PDGFD: variants seen among roughly 807,000 people sequenced by gnomAD.
The protein encoded by PDGFD is platelet derived growth factor D.
PDGFD carries 30 observed loss-of-function variants against 44.7 expected under a neutral mutation model. The ratio of observed to expected loss-of-function variants is 0.67; its 90% CI spans 0.50 to 0.91. The LOEUF (loss-of-function observed/expected upper bound fraction) is 0.91, where lower values mean the gene tolerates loss of function less well. Among genes scored for constraint, PDGFD ranks in the 40% least tolerant of loss-of-function variants. The probability of loss-of-function intolerance (pLI) is 0.00; values close to 1 mark genes in which losing one functional copy is unlikely to be tolerated. For synonymous variants in PDGFD, 173 were observed against 168.4 expected, an observed-to-expected ratio of 1.03 and a Z score of -0.21; for missense variants, 445 against 457.8, an observed-to-expected ratio of 0.97 and a Z score of 0.25.
intron 1 of PDGFD, among the ~76,000 whole-genome samples, chr11:104,134,403 T>C (rs1861970328): frequency 6.6e-6 from 1 of 152,054 alleles, no homozygotes; most frequent in Non-Finnish European, 1.5e-5. Context: ...GATTAGAAAA[T>C]TGATCACATA....
chr11:103,972,780 G>A (rs1156732583), intron 3 of PDGFD, among the ~76,000 whole-genome samples: 1 of 152,164 alleles, frequency 6.6e-6, no homozygotes, highest in Admixed American at 6.5e-5. Flanking sequence ...GCACAAACGT[G>A]AGTAGAACTC....
At chr11:104,050,348 T>C (rs1002281865) in intron 1 of PDGFD, among the ~76,000 whole-genome samples, 4 of 151,912 alleles carry the variant, frequency 2.6e-5, no homozygotes, top group African/African-American at 7.3e-5. Context: ...TAGGGAGTGA[T>C]AGAGGATTGA....
intron 1 of PDGFD, among the ~76,000 whole-genome samples, chr11:104,110,639 C>T (rs361288): frequency 0.45 from 68,777 of 151,800 alleles, 16,541 homozygotes; most frequent in African/African-American, 0.62. Context: ...GTGGTTTGTA[C>T]GGGCATAGGA....
intron 1 of PDGFD, among the ~76,000 whole-genome samples, chr11:104,069,438 G>T (rs1337037612): frequency 6.6e-6 from 1 of 152,098 alleles, no homozygotes; most frequent in Non-Finnish European, 1.5e-5. Context: ...TTTGACCTTT[G>T]GTAATTCATA....
chr11:104,145,460 T>C (rs1393186634), intron 1 of PDGFD, among the ~76,000 whole-genome samples: 1 of 152,232 alleles, frequency 6.6e-6, no homozygotes, highest in Admixed American at 6.5e-5. Flanking sequence ...TATGCATTTC[T>C]ATAGCCAATT....
chr11:104,067,308 C>T (rs544165242), intron 1 of PDGFD, among the ~76,000 whole-genome samples: 41 of 152,208 alleles, frequency 2.7e-4, no homozygotes, highest in African/African-American at 9.1e-4. Flanking sequence ...TCTTTTCAAA[C>T]AGTAGATAAC....
intron 3 of PDGFD, among the ~76,000 whole-genome samples, chr11:103,970,276 C>A (rs1859084487): frequency 6.6e-6 from 1 of 151,996 alleles, no homozygotes; most frequent in Non-Finnish European, 1.5e-5. Flanking sequence ...ATATCACATA[C>A]AATAGGGAGT....
intron 1 of PDGFD, among the ~76,000 whole-genome samples, chr11:104,160,105 C>T (rs1297012065): frequency 6.6e-6 from 1 of 152,126 alleles, no homozygotes; most frequent in Non-Finnish European, 1.5e-5. Context: ...GATCTTTGTA[C>T]TTAAGTCAGT....
chr11:103,943,355 G>C, intron 5 of PDGFD, 97 bp downstream of exon 5: 1 of 1,211,834 alleles, frequency 8.3e-7, no homozygotes, highest in Non-Finnish European at 1.1e-6. Context: ...AAATCCAAAA[G>C]ACTTCTGGTT....
At chr11:103,986,915 C>G (rs1275927802) in intron 3 of PDGFD, among the ~76,000 whole-genome samples, 1 of 152,172 alleles carries the variant, frequency 6.6e-6, no homozygotes, top group Non-Finnish European at 1.5e-5. Context: ...AGAACCTGCA[C>G]TGGATGGATC....
intron 3 of PDGFD, among the ~76,000 whole-genome samples, chr11:103,985,886 T>A (rs1859355633): frequency 6.6e-6 from 1 of 152,042 alleles, no homozygotes; most frequent in Non-Finnish European, 1.5e-5. Context: ...GGGAGACCAA[T>A]CAGGAAGTGA....
chr11:104,094,215 T>C (rs1861251114), intron 1 of PDGFD, among the ~76,000 whole-genome samples: 1 of 152,014 alleles, frequency 6.6e-6, no homozygotes, highest in South Asian at 2.1e-4. Flanking sequence ...GCACATCTTC[T>C]TGATTTTCCT....
chr11:104,094,702 G>A (rs951576476), intron 1 of PDGFD, among the ~76,000 whole-genome samples: 3 of 152,016 alleles, frequency 2.0e-5, no homozygotes, highest in Middle Eastern at 6.8e-3. Flanking sequence ...TTCTCCAACT[G>A]CCCTGCCAAA....
intron 1 of PDGFD, among the ~76,000 whole-genome samples, chr11:104,140,737 A>C (rs1242711863): frequency 2.0e-5 from 3 of 152,122 alleles, no homozygotes; most frequent in Non-Finnish European, 2.9e-5. Context: ...TCCAAACACA[A>C]CAATCATTTC....
intron 1 of PDGFD, among the ~76,000 whole-genome samples, chr11:104,065,676 T>C (rs1416362504): frequency 6.6e-6 from 1 of 152,228 alleles, no homozygotes; most frequent in Non-Finnish European, 1.5e-5. Context: ...ATATTCAAAA[T>C]TCAACCTTTG....
intron 3 of PDGFD, among the ~76,000 whole-genome samples, chr11:103,980,667 C>T (rs894019675): frequency 2.6e-5 from 4 of 151,868 alleles, no homozygotes; most frequent in Admixed American, 6.6e-5. Context: ...TATTTGTGTC[C>T]CCCCCAAAAT....
intron 1 of PDGFD, among the ~76,000 whole-genome samples, chr11:104,082,689 T>A (rs1035525190): frequency 6.6e-6 from 1 of 152,112 alleles, no homozygotes; most frequent in Non-Finnish European, 1.5e-5. Flanking sequence ...TGGAGTGCAG[T>A]GGTGTGATCA....
chr11:103,919,688 T>C (rs1039564173), intron 6 of PDGFD, among the ~76,000 whole-genome samples: 19 of 151,826 alleles, frequency 1.3e-4, no homozygotes, highest in African/African-American at 4.4e-4. Flanking sequence ...TTTGTATTTT[T>C]AGTAGAGATG....
intron 1 of PDGFD, among the ~76,000 whole-genome samples, chr11:104,034,976 T>C (rs1860199277): frequency 6.6e-6 from 1 of 152,088 alleles, no homozygotes; most frequent in Non-Finnish European, 1.5e-5. Context: ...GAAAAATAAC[T>C]GGCATGCAAG....
Sources: gnomAD v4.1 joint callset for allele counts (sites outside exome capture counted in the v4.1 genomes callset) on GRCh38, gnomAD v4.1.1 for gene constraint, MANE v1.5 for transcripts, NCBI Gene and HGNC (gene_info 2026-07-23, HGNC 2026-07-21) for gene names.